CPNE4: variants seen among roughly 807,000 people sequenced by gnomAD.
The protein encoded by CPNE4 is copine-4.
In CPNE4, 25 loss-of-function variants were observed where a neutral mutation model predicts 67.9. The observed-to-expected ratio is 0.37, with a 90% CI of 0.27 to 0.51. CPNE4 has a LOEUF of 0.51. Among genes scored for constraint, CPNE4 ranks in the 20% least tolerant of loss-of-function variants. The pLI is 0.93. For missense variants in CPNE4, 464 were observed against 690.8 expected, an observed-to-expected ratio of 0.67 and a Z score of 3.68; for synonymous variants, 242 against 244.9, an observed-to-expected ratio of 0.99 and a Z score of 0.11.
intron 1 of CPNE4, among the ~76,000 whole-genome samples, chr3:131,962,760 G>A (rs139779409): frequency 4.6e-5 from 7 of 151,456 alleles, no homozygotes; most frequent in East Asian, 1.9e-4. Flanking sequence ...GAGTAAATAC[G>A]TTTTCCTGAG....
At chr3:131,711,275 C>T (rs1406349597) in intron 3 of CPNE4, among the ~76,000 whole-genome samples, 1 of 152,132 alleles carries the variant, frequency 6.6e-6, no homozygotes, top group East Asian at 1.9e-4. Context: ...CACAGAGATG[C>T]CTGCTCTGGT....
In CPNE4 at chr3:132,034,665, T is replaced by G. The variant is rs929018827; in HGVS notation, c.-100A>C. The G allele has an allele frequency of 2.0e-6, 2 of 983,450 alleles. No homozygotes were observed. The highest frequency in any genetic ancestry group is 1.2e-4 in the Admixed American group (2 of 16,128). 60.9% of individuals were successfully genotyped at this position (983,450 alleles called of 1,614,324 possible). ...AAATCCGGCTTTGAAGTGGAGGTGG[T>G]TGGTGTGGTAGTTTTGTACTGATGT... On this transcript the variant is annotated 5_prime_UTR_variant, in exon 1 of 16. Transcript: ENST00000429747.
chr3:131,823,264 T>C (rs1386073287), intron 2 of CPNE4, among the ~76,000 whole-genome samples: 1 of 152,250 alleles, frequency 6.6e-6, no homozygotes, highest in Non-Finnish European at 1.5e-5. Flanking sequence ...TCAGTCCTCA[T>C]TGCAAGCTTG....
At chr3:131,568,317 T>A (rs1472511900) in intron 10 of CPNE4, among the ~76,000 whole-genome samples, 1 of 151,922 alleles carries the variant, frequency 6.6e-6, no homozygotes, top group Non-Finnish European at 1.5e-5. Flanking sequence ...AAAGTTAGCA[T>A]TAGTAGAAAG....
At chr3:131,660,169 A>G (rs540485899) in intron 7 of CPNE4, among the ~76,000 whole-genome samples, 20 of 152,350 alleles carry the variant, frequency 1.3e-4, no homozygotes, top group African/African-American at 4.6e-4. Flanking sequence ...GGAAACAAAC[A>G]AGCAAACTAG....
At chr3:131,911,091 T>C (rs143257644) in intron 1 of CPNE4, among the ~76,000 whole-genome samples, 320 of 152,260 alleles carry the variant, frequency 2.1e-3, no homozygotes, top group African/African-American at 7.2e-3. Flanking sequence ...CAATAAAATA[T>C]GGCAAAAGTA....
rs1183077982 is a variant in CPNE4, at chr3:131,627,402, C to A, written c.682-39820G>T. Among the ~76,000 whole-genome samples, 6 of 152,204 alleles carry A rather than the reference C, an allele frequency of 3.9e-5. No homozygotes were observed. The East Asian group carries it at 1.2e-3, about 29-fold the overall frequency. ...AATATTACTGCTCATTGAAAACACA[C>A]CTAGTCACCCAAAAGCTCTGATGAA... On this transcript the variant is annotated intron_variant, in intron 7 of 15. Coordinates refer to ENST00000429747, the MANE Select transcript of CPNE4 (RefSeq NM_130808.3).
intron 2 of CPNE4, among the ~76,000 whole-genome samples, chr3:131,830,603 GC>G (rs2085330678): frequency 1.3e-5 from 2 of 152,094 alleles, no homozygotes; most frequent in Admixed American, 6.6e-5. Flanking sequence ...AATGAAGCCT[GC>G]TCAGACAACC....
chr3:131,819,225 A>C (rs1408596325), intron 2 of CPNE4, among the ~76,000 whole-genome samples: 1 of 152,198 alleles, frequency 6.6e-6, no homozygotes, highest in Admixed American at 6.5e-5. Flanking sequence ...GATCAAGAGA[A>C]CAAAACTGAG....
chr3:131,875,831 T>C (rs2087422718), intron 2 of CPNE4, among the ~76,000 whole-genome samples: 1 of 102,684 alleles, frequency 9.7e-6, no homozygotes, highest in Non-Finnish European at 2.0e-5. Context: ...ACTTAAAGTA[T>C]AATAAAAAAA....
chr3:131,668,831 A>G (rs1398158200), intron 7 of CPNE4, among the ~76,000 whole-genome samples: 1 of 152,172 alleles, frequency 6.6e-6, no homozygotes, highest in Non-Finnish European at 1.5e-5. Flanking sequence ...CTTTGAATGC[A>G]TATTTTCTTC....
chr3:131,962,600 G>A (rs2072215128), intron 1 of CPNE4, among the ~76,000 whole-genome samples: 2 of 152,076 alleles, frequency 1.3e-5, no homozygotes, highest in South Asian at 2.1e-4. Flanking sequence ...CATTTATTGA[G>A]CACTTAATAT....
intron 13 of CPNE4, 138 bp downstream of exon 13, chr3:131,552,302 A>G: frequency 1.4e-6 from 1 of 714,516 alleles, no homozygotes; most frequent in Non-Finnish European, 2.4e-6. Flanking sequence ...GTGGAGTAGC[A>G]TGGTTTATGT....
intron 2 of CPNE4, among the ~76,000 whole-genome samples, chr3:131,834,802 TAC>T (rs1376255865): frequency 6.6e-6 from 1 of 152,006 alleles, no homozygotes; most frequent in Non-Finnish European, 1.5e-5. Flanking sequence ...TGACAGAAAA[TAC>T]AGTTACTGTA....
intron 2 of CPNE4, among the ~76,000 whole-genome samples, chr3:131,817,895 C>G (rs1239997483): frequency 6.6e-6 from 1 of 152,186 alleles, no homozygotes; most frequent in Non-Finnish European, 1.5e-5. Flanking sequence ...AGAAACACCA[C>G]CTACTCACAT....
intron 2 of CPNE4, among the ~76,000 whole-genome samples, chr3:131,770,536 GC>G (rs1162239498): frequency 6.6e-6 from 1 of 152,220 alleles, no homozygotes; most frequent in Non-Finnish European, 1.5e-5. Context: ...ACAAGGTGGA[GC>G]CAGCAACAAG....
chr3:131,681,914 A>G (rs1002068995), intron 6 of CPNE4, among the ~76,000 whole-genome samples: 2 of 151,858 alleles, frequency 1.3e-5, no homozygotes, highest in Admixed American at 1.3e-4. Context: ...CTGTTAGGAT[A>G]ATTTGATACC....
chr3:132,013,380 C>A (rs1358900257), intron 1 of CPNE4, among the ~76,000 whole-genome samples: 1 of 152,136 alleles, frequency 6.6e-6, no homozygotes, highest in African/African-American at 2.4e-5. Flanking sequence ...GGGCTAGGGT[C>A]TGGAAGACAT....
At chr3:131,611,544 C>A (rs1227367219) in intron 7 of CPNE4, among the ~76,000 whole-genome samples, 2 of 152,056 alleles carry the variant, frequency 1.3e-5, no homozygotes, top group Admixed American at 6.6e-5. Context: ...TTTAAATAAG[C>A]TGGTTGCTAC....
Sources: gnomAD v4.1 joint callset for allele counts (sites outside exome capture counted in the v4.1 genomes callset) on GRCh38, gnomAD v4.1.1 for gene constraint, MANE v1.5 for transcripts, NCBI Gene and HGNC (gene_info 2026-07-23, HGNC 2026-07-21) for gene names.